Variants in CPNE4 observed in about 807,000 individuals in gnomAD.
CPNE4 encodes copine 4.
Under a neutral mutation model 67.9 loss-of-function variants are expected in CPNE4, and 25 were observed. The observed-to-expected ratio is 0.37, with a 90% CI of 0.27 to 0.51. The LOEUF (loss-of-function observed/expected upper bound fraction) is 0.51. Among genes scored for constraint, CPNE4 ranks in the 20% least tolerant of loss-of-function variants. The probability of loss-of-function intolerance (pLI) is 0.93; values close to 1 mark genes in which losing one functional copy is unlikely to be tolerated. For missense variants in CPNE4, 464 were observed against 690.8 expected (o/e 0.67, Z 3.68); for synonymous variants, 242 against 244.9 (o/e 0.99, Z 0.11).
chr3:131,891,096 C>T (rs1560547885), intron 2 of CPNE4, among the ~76,000 whole-genome samples: 1 of 151,888 alleles, frequency 6.6e-6, no homozygotes, highest in East Asian at 1.9e-4. Flanking sequence ...GGGTTCTTAG[C>T]AGAAAAACAA....
chr3:131,794,790 G>T (rs1024006402), intron 2 of CPNE4, among the ~76,000 whole-genome samples: 1 of 152,162 alleles, frequency 6.6e-6, no homozygotes, highest in Admixed American at 6.6e-5. Context: ...GTACTAGGTA[G>T]TTGAGTACCA....
intron 2 of CPNE4, among the ~76,000 whole-genome samples, chr3:131,797,176 G>T (rs1031537198): frequency 2.0e-5 from 3 of 152,150 alleles, no homozygotes; most frequent in Non-Finnish European, 4.4e-5. Context: ...TTGTCAAGGA[G>T]GGATGGGCTC....
At chr3:131,925,160 T>TCG (rs2070860247) in intron 1 of CPNE4, among the ~76,000 whole-genome samples, 1 of 141,800 alleles carries the variant, frequency 7.1e-6, no homozygotes, top group Non-Finnish European at 1.5e-5. Context: ...TCTCATATTC[T>TCG]CTCTCTCTCT....
chr3:131,778,480 T>C (rs1169536169), intron 2 of CPNE4, among the ~76,000 whole-genome samples: 2 of 152,090 alleles, frequency 1.3e-5, no homozygotes, highest in African/African-American at 2.4e-5. Flanking sequence ...GAGTGGGAAT[T>C]ATCATCATTA....
chr3:131,791,003 A>G (rs1472974661), intron 2 of CPNE4, among the ~76,000 whole-genome samples: 2 of 152,184 alleles, frequency 1.3e-5, no homozygotes, highest in Non-Finnish European at 2.9e-5. Flanking sequence ...TTGAGTTTTC[A>G]TTACAATTTT....
At chr3:132,006,427 C>T (rs919994842) in intron 1 of CPNE4, among the ~76,000 whole-genome samples, 1 of 152,074 alleles carries the variant, frequency 6.6e-6, no homozygotes, top group African/African-American at 2.4e-5. Flanking sequence ...AAATGAACAG[C>T]ATAGAAGAAG....
intron 2 of CPNE4, among the ~76,000 whole-genome samples, chr3:131,821,606 A>G (rs915548647): frequency 1.3e-5 from 2 of 152,238 alleles, no homozygotes; most frequent in African/African-American, 4.8e-5. Flanking sequence ...TGTAGATGAG[A>G]GCACATGGAA....
intron 7 of CPNE4, among the ~76,000 whole-genome samples, chr3:131,656,330 G>A (rs1035907150): frequency 1.3e-5 from 2 of 152,176 alleles, no homozygotes; most frequent in Non-Finnish European, 2.9e-5. Context: ...TAAATTAAAG[G>A]AAGTGTCCCA....
At chr3:131,848,956 C>CAAAAAAAAAAAAAAAAAAAAAAAAAA (rs67407668) in intron 2 of CPNE4, among the ~76,000 whole-genome samples, 5 of 79,636 alleles carry the variant, frequency 6.3e-5, no homozygotes, top group African/African-American at 2.1e-4. Context: ...GTAGTGATTA[C>CAAAAAAAAAAAAAAAAAAAAAAAAAA]AAAAAAAAAA....
intron 1 of CPNE4, among the ~76,000 whole-genome samples, chr3:132,018,398 A>C (rs1376819521): frequency 6.6e-6 from 1 of 152,234 alleles, no homozygotes; most frequent in Non-Finnish European, 1.5e-5. Context: ...CCTGAGGAGA[A>C]GCAAAGCAAG....
At chr3:131,976,170 A>G (rs1419589587) in intron 1 of CPNE4, among the ~76,000 whole-genome samples, 1 of 150,846 alleles carries the variant, frequency 6.6e-6, no homozygotes, top group Non-Finnish European at 1.5e-5. Flanking sequence ...GTGTTTCTAG[A>G]AGGGTCACAG....
At chr3:132,024,179 C>G (rs572597465) in intron 1 of CPNE4, among the ~76,000 whole-genome samples, 9 of 151,040 alleles carry the variant, frequency 6.0e-5, no homozygotes, top group Middle Eastern at 3.5e-3. Flanking sequence ...TGCCTCCTAC[C>G]TTCAAGAGAT....
intron 2 of CPNE4, among the ~76,000 whole-genome samples, chr3:131,899,200 C>T (rs991503840): frequency 5.3e-5 from 8 of 152,038 alleles, no homozygotes; most frequent in African/African-American, 1.9e-4. Flanking sequence ...AACTCAAACG[C>T]CTCCAGGGGC....
intron 1 of CPNE4, among the ~76,000 whole-genome samples, chr3:131,962,701 G>A (rs1374241587): frequency 1.3e-5 from 2 of 150,724 alleles, no homozygotes; most frequent in Non-Finnish European, 2.9e-5. Context: ...ACTTCCAGTG[G>A]AGAAATGCAT....
intron 3 of CPNE4, among the ~76,000 whole-genome samples, chr3:131,713,364 CTG>C (rs1224500288): frequency 3.9e-5 from 6 of 152,076 alleles, no homozygotes; most frequent in Non-Finnish European, 8.8e-5. Context: ...CCATCTATGA[CTG>C]AACGACATCT....
At position 131,744,136 on chromosome 3, in the gene CPNE4, T is replaced by C. The variant is rs528271248; in HGVS notation, c.181-20511A>G. 6.6e-5 allele frequency among the ~76,000 whole-genome samples: 10 copies of C among 151,992 alleles called. No homozygotes were observed. The South Asian group carries it at 1.7e-3, about 25-fold the overall frequency. On this transcript the variant is annotated intron_variant, in intron 2 of 15. Transcript: ENST00000429747. ...TTTAAAATAGCTAAAATGACTTTTA[T>C]TTTTACTAACTATATGATTGCATAT...
At chr3:131,766,447 G>A (rs2083018197) in intron 2 of CPNE4, among the ~76,000 whole-genome samples, 2 of 152,062 alleles carry the variant, frequency 1.3e-5, no homozygotes, top group African/African-American at 2.4e-5. Context: ...AGATAGTGTG[G>A]TGCTGGTAAG....
At chr3:132,006,403 G>A (rs776880580) in intron 1 of CPNE4, among the ~76,000 whole-genome samples, 5 of 152,024 alleles carry the variant, frequency 3.3e-5, no homozygotes, top group Non-Finnish European at 5.9e-5. Flanking sequence ...CTCCTCCCCC[G>A]CTTGCCTTAA....
intron 2 of CPNE4, among the ~76,000 whole-genome samples, chr3:131,745,711 G>A (rs73220458): frequency 0.17 from 25,063 of 151,840 alleles, 2,518 homozygotes; most frequent in East Asian, 0.27. Context: ...TAATTCTGTG[G>A]GTATATTTCT....
Sources: allele counts gnomAD v4.1 joint callset (sites outside exome capture counted in the v4.1 genomes callset), GRCh38; gene constraint gnomAD v4.1.1; transcripts MANE v1.5; gene names NCBI Gene and HGNC (gene_info 2026-07-23, HGNC 2026-07-21).